The following PRDM16 variants were observed in gnomAD, a reference collection of about 807,000 sequenced individuals.
The protein encoded by PRDM16 is histone-lysine N-methyltransferase PRDM16.
PRDM16 carries 23 observed loss-of-function variants against 110.6 expected under a neutral mutation model. The ratio of observed to expected loss-of-function variants is 0.21; its 90% CI spans 0.15 to 0.29. PRDM16 has a LOEUF of 0.29. Ranked by LOEUF, PRDM16 falls within the 10% of genes least tolerant of loss-of-function variation. The pLI is 1.00. For synonymous variants in PRDM16, 799 were observed against 781.8 expected (o/e 1.02, Z -0.37); for missense variants, 1,615 against 1,794.3 (o/e 0.90, Z 1.81).
At chr1:3,301,874 CTGACGCCCCCTGTT>C (rs1473398031) in intron 3 of PRDM16, among the ~76,000 whole-genome samples, 5 of 152,334 alleles carry the variant, frequency 3.3e-5, no homozygotes, top group Admixed American at 6.5e-5. Flanking sequence ...GAAGTATCTC[CTGACGCCCCCTGTT>C]TGAGGCCCTT....
chr1:3,432,097 C>T lies in PRDM16; in HGVS notation c.3653C>T (p.Ser1218Phe). 6.2e-7 allele frequency: 1 copy of T among 1,614,020 alleles called. No homozygotes were observed. Residue 1218 changes from serine to phenylalanine, a missense_variant, in exon 16 of 17, where the codon TCT (serine) becomes TTT (phenylalanine). Physicochemically the swap from Ser to Phe is radical, Grantham distance 155 (BLOSUM62 -2). Coordinates refer to ENST00000270722, the MANE Select transcript of PRDM16 (RefSeq NM_022114.4). ...GATGTGCTTAATTCCACCTTAGATT[C>T]TGAGGCTTTAAAACATACACTGTGC... is the stretch of plus-strand genomic sequence containing the variant. ...VKDVLNSTLDSEALKHTLCRQ... is the reference protein window; with the variant it reads ...VKDVLNSTLDFEALKHTLCRQ...
At chr1:3,311,773 C>G (rs971796787) in intron 3 of PRDM16, among the ~76,000 whole-genome samples, 3 of 152,178 alleles carry the variant, frequency 2.0e-5, no homozygotes, top group African/African-American at 4.8e-5. Flanking sequence ...CCCAAGGAAG[C>G]TTGGGTTCGA....
In PRDM16 at chr1:3,382,464, G is replaced by T. The variant is rs1643117646; in HGVS notation, c.439-2688G>T. Among the ~76,000 whole-genome samples, 1 of 152,228 alleles carries T rather than the reference G, an allele frequency of 6.6e-6. No individual in the cohort carries two copies. Among genetic ancestry groups the T allele is most frequent in the African/African-American group, 2.4e-5 (1 of 41,460 alleles). On this transcript the variant is annotated intron_variant, in intron 3 of 16. Transcript: ENST00000270722. The surrounding 1 kb of genome is among the most constrained non-coding windows in gnomAD (Gnocchi z 6.6). ...GCAGTCCTGCCTGGGGCACAGCTGT[G>T]TCTGCAGAAGCTGGTAACACAGAGG...
At chr1:3,432,337 G>A (rs1243961789) in intron 16 of PRDM16, among the ~76,000 whole-genome samples, 197 bp downstream of exon 16, 1 of 152,230 alleles carries the variant, frequency 6.6e-6, no homozygotes, top group East Asian at 1.9e-4. Context: ...GAGGGGCTGA[G>A]AGCCGATGAC....
rs375407512 is a variant in PRDM16, at chr1:3,156,525, G to A, written c.38-29600G>A. On this transcript the variant is annotated intron_variant, in intron 1 of 16. Coordinates refer to ENST00000270722, the MANE Select transcript of PRDM16 (RefSeq NM_022114.4). ...GACAAAATGGTTTTCTAGTTTGGAGGGGTTTTGTTTGCTGTCACCCCTCCT... is the reference window on the plus strand; with the variant it reads ...GACAAAATGGTTTTCTAGTTTGGAGAGGTTTTGTTTGCTGTCACCCCTCCT... Among the ~76,000 whole-genome samples, 24 of 152,282 alleles carry A rather than the reference G, an allele frequency of 1.6e-4. No individual in the cohort carries two copies. The South Asian group carries it at 4.8e-3, about 30-fold the overall frequency.
intron 3 of PRDM16, among the ~76,000 whole-genome samples, chr1:3,264,216 G>A (rs558914134): frequency 1.3e-5 from 2 of 152,334 alleles, no homozygotes; most frequent in South Asian, 4.1e-4. Context: ...TGTGACCTGG[G>A]GCCTCTCTGC....
At chr1:3,228,362 C>A (rs1045911406) in intron 2 of PRDM16, among the ~76,000 whole-genome samples, 6 of 152,224 alleles carry the variant, frequency 3.9e-5, no homozygotes, top group African/African-American at 1.4e-4. Context: ...CCAGAAAATT[C>A]TGTTTGTTAA....
At position 3,181,475 on chromosome 1, in the gene PRDM16, C is replaced by T. The variant is rs868073735; in HGVS notation, c.38-4650C>T. ...GGTCTTACACACGGTCTTACACACG[C>T]AGTCTTACACACAGCCTTACGCATG... On this transcript the variant is annotated intron_variant, in intron 1 of 16. Coordinates refer to ENST00000270722, the MANE Select transcript of PRDM16 (RefSeq NM_022114.4). 4.7e-5 allele frequency among the ~76,000 whole-genome samples: 2 copies of T among 42,932 alleles called. 1 individual carries two copies. Among genetic ancestry groups the T allele is most frequent in the African/African-American group, 9.5e-5 (2 of 21,110 alleles). The allele number at this position is 42,932 out of a possible 152,430, so 28.2% of individuals were successfully genotyped here.
chr1:3,335,615 A>G (rs916571940), intron 3 of PRDM16, among the ~76,000 whole-genome samples: 103 of 151,734 alleles, frequency 6.8e-4, no homozygotes, highest in African/African-American at 1.6e-3. Context: ...ACACACACAC[A>G]CACACACACA....
chr1:3,240,648 CAG>C (rs1317932001), intron 2 of PRDM16, among the ~76,000 whole-genome samples: 1 of 152,172 alleles, frequency 6.6e-6, no homozygotes, highest in African/African-American at 2.4e-5. Flanking sequence ...ACTTTAATAA[CAG>C]ATAATTTTGA....
intron 3 of PRDM16, among the ~76,000 whole-genome samples, chr1:3,371,207 A>AT (rs1642900596): frequency 5.9e-5 from 1 of 16,910 alleles, no homozygotes; most frequent in Admixed American, 6.0e-4. Context: ...CCATCCATCC[A>AT]CCCACCCACC....
intron 4 of PRDM16, among the ~76,000 whole-genome samples, chr1:3,386,143 C>T (rs1248024206): frequency 1.3e-5 from 1 of 74,668 alleles, no homozygotes; most frequent in Admixed American, 1.6e-4. Flanking sequence ...GTGCGTTCCT[C>T]GGGGTGCCCG....
chr1:3,224,590 G>A (rs1321755677), intron 2 of PRDM16, among the ~76,000 whole-genome samples: 1 of 152,198 alleles, frequency 6.6e-6, no homozygotes, highest in Non-Finnish European at 1.5e-5. Context: ...TCTTTCCTTA[G>A]AGAAGAGAAA....
At position 3,390,374 on chromosome 1, in the gene PRDM16, T is replaced by C. The variant is rs1220925041; in HGVS notation, c.573+5088T>C. Among the ~76,000 whole-genome samples the C allele has an allele frequency of 2.6e-5, 4 of 152,106 alleles. No homozygotes were observed. Among genetic ancestry groups the C allele is most frequent in the East Asian group, 1.9e-4 (1 of 5,158 alleles). ...CCCCCAGCGTACCACGGAACGGCTG[T>C]AGGGCTCTCAAACGACCTGTAGCAC... is the stretch of plus-strand genomic sequence containing the variant. On this transcript the variant is annotated intron_variant, in intron 4 of 16. Coordinates refer to ENST00000270722, the MANE Select transcript of PRDM16 (RefSeq NM_022114.4). This position sits in a 1 kb window ranked among gnomAD's most constrained non-coding sequence, Gnocchi z 5.0.
intron 2 of PRDM16, among the ~76,000 whole-genome samples, chr1:3,219,907 C>T (rs1363682499): frequency 6.6e-6 from 1 of 152,210 alleles, no homozygotes; most frequent in East Asian, 1.9e-4. Flanking sequence ...ATCCACGGAG[C>T]TAGCACAGGC....
intron 3 of PRDM16, among the ~76,000 whole-genome samples, chr1:3,291,117 G>A (rs1640964349): frequency 2.0e-5 from 3 of 152,042 alleles, no homozygotes; most frequent in African/African-American, 7.2e-5. Context: ...GTTTCCTGAT[G>A]TGATACTTAG....
intron 1 of PRDM16, among the ~76,000 whole-genome samples, chr1:3,098,065 CT>C: frequency 6.6e-6 from 1 of 152,198 alleles, no homozygotes. Flanking sequence ...TTTGCCCGCC[CT>C]TGTGCGGCTC....
At chr1:3,156,508 G>T (rs1474589019) in intron 1 of PRDM16, among the ~76,000 whole-genome samples, 7 of 152,144 alleles carry the variant, frequency 4.6e-5, no homozygotes, top group African/African-American at 1.7e-4. Context: ...AGGACAAAAT[G>T]GTTTTCTAGT....
chr1:3,082,282 G>A (rs1642047807), intron 1 of PRDM16, among the ~76,000 whole-genome samples: 1 of 152,170 alleles, frequency 6.6e-6, no homozygotes, highest in South Asian at 2.1e-4. Context: ...TCTGTTCCTT[G>A]GGTTCTGCAG....
Sources: gnomAD v4.1 joint callset for allele counts (sites outside exome capture counted in the v4.1 genomes callset) on GRCh38, gnomAD v4.1.1 for gene constraint, Gnocchi (gnomAD v3.1) non-coding constraint, MANE v1.5 for transcripts, NCBI Gene and HGNC (gene_info 2026-07-23, HGNC 2026-07-21) for gene names.